WDR62: variants seen among roughly 807,000 people sequenced by gnomAD.
WDR62 encodes WD repeat-containing protein 62.
A neutral mutation model predicts 160.6 loss-of-function variants in WDR62; 112 were observed. That is an observed-to-expected ratio of 0.70 (90% CI 0.60 to 0.82). The LOEUF (loss-of-function observed/expected upper bound fraction) is 0.82. Among genes scored for constraint, WDR62 ranks in the 40% least tolerant of loss-of-function variants. The pLI, the probability that WDR62 is intolerant of heterozygous loss-of-function variation, is 0.00. For synonymous variants in WDR62, 792 were observed against 815.1 expected (o/e 0.97, Z 0.48); for missense variants, 1,819 against 1,983.8 (o/e 0.92, Z 1.58).
At chr19:36,073,086 G>A (rs1243022880) in intron 8 of WDR62, among the ~76,000 whole-genome samples, 20 of 152,058 alleles carry the variant, frequency 1.3e-4, no homozygotes, top group Admixed American at 1.3e-3. Flanking sequence ...TGAAATGATG[G>A]GCGATAAATG....
chr19:36,104,073 A>G (rs1973581883), intron 30 of WDR62, 92 bp downstream of exon 30: 1 of 1,488,962 alleles, frequency 6.7e-7, no homozygotes, highest in Non-Finnish European at 9.2e-7. Context: ...ACCTGGCCAC[A>G]GGGACTGTGC....
rs1299071832 is a variant in WDR62, at chr19:36,055,208, C to G, written c.177+60C>G. The stretch of plus-strand genomic sequence containing the variant: ...AGGCTTCCTAGGTTTCCCCTAGTCC[C>G]GTCCTGAGAACTGTGGCCCCGACAT... On this transcript the variant is annotated intron_variant, in intron 1 of 31. Transcript: ENST00000401500. 6 of 1,543,042 alleles carry G rather than the reference C, an allele frequency of 3.9e-6. No homozygotes were observed. In the East Asian group the frequency reaches 1.5e-4, roughly 38 times the overall value.
chr19:36,101,600 G>T, intron 24 of WDR62, 64 bp from the exon 25 acceptor site: 1 of 1,266,532 alleles, frequency 7.9e-7, no homozygotes, highest in Non-Finnish European at 1.1e-6. Flanking sequence ...GGGAAGGGTA[G>T]CCCTGGCCCT....
At chr19:36,083,371 C>T in intron 11 of WDR62, 130 bp downstream of exon 11, 2 of 948,904 alleles carry the variant, frequency 2.1e-6, no homozygotes, top group South Asian at 1.4e-5. Context: ...GAATAGTAAT[C>T]CCATGAACAG....
downstream of WDR62, among the ~76,000 whole-genome samples, chr19:36,109,804 A>G (rs1973775438): frequency 6.6e-6 from 1 of 151,992 alleles, no homozygotes; most frequent in South Asian, 2.1e-4. Flanking sequence ...CTGTAATCCC[A>G]GCACTTTGGG....
Position 36,081,766 on chromosome 19 carries a change from C to T in WDR62, c.1371+196C>T, listed in dbSNP as rs773531759. ...CTCCTGCCCCCTCTCTGAGGTGGCA[C>T]GCTCTATCCTCTCTGATTCTTTGCC... On this transcript the variant is annotated intron_variant, in intron 10 of 31. Coordinates refer to ENST00000401500, the MANE Select transcript of WDR62 (RefSeq NM_001083961.2). The T allele has an allele frequency of 8.1e-5, 59 of 729,362 alleles. 2 individuals are homozygous for T. Among genetic ancestry groups the T allele is most frequent in the South Asian group, 5.5e-4 (37 of 67,586 alleles). 45.2% of individuals were successfully genotyped at this position (729,362 alleles called of 1,614,324 possible).
chr19:36,094,515 C>T (rs1401143543), intron 20 of WDR62, among the ~76,000 whole-genome samples: 3 of 151,762 alleles, frequency 2.0e-5, no homozygotes, highest in African/African-American at 7.3e-5. Flanking sequence ...GATCGCGCCA[C>T]TGCACTCCAG....
At chr19:36,058,960 A>C (rs201694503) in intron 2 of WDR62, 89 bp downstream of exon 2, 64 of 1,093,460 alleles carry the variant, frequency 5.9e-5, no homozygotes, top group Non-Finnish European at 8.3e-5. Context: ...TCTGAGCCTC[A>C]TATTTTTCAC....
At chr19:36,077,418 C>CT (rs1380864995) in intron 9 of WDR62, among the ~76,000 whole-genome samples, 1 of 150,870 alleles carries the variant, frequency 6.6e-6, no homozygotes, top group Non-Finnish European at 1.5e-5. Context: ...GCAGCTGAGA[C>CT]TACAGGCACA....
intron 3 of WDR62, chr19:36,062,664 A>G (rs902379592): frequency 6.6e-6 from 1 of 150,434 alleles, no homozygotes; most frequent in Non-Finnish European, 1.5e-5. Flanking sequence ...AAAAAAAAAA[A>G]AAAAAAAAAA....
In WDR62 at chr19:36,100,830, T is replaced by C. The variant is rs149838357; in HGVS notation, c.2822T>C (p.Ile941Thr). ...GAATCATCTGAGGCCAGTGAGCTCA[T>C]CCTCTACTCTCTGGAGGCAGAAGTG... ...QKESSEASEL[I>T]LYSLEAEVTV... Residue 941 changes from isoleucine to threonine, a missense_variant, in exon 23 of 32, where the codon ATC becomes ACC. Physicochemically the swap from Ile to Thr is moderately conservative, Grantham distance 89. Transcript: ENST00000401500. 7 of 1,614,072 alleles carry C rather than the reference T, an allele frequency of 4.3e-6. No homozygotes were observed. Among genetic ancestry groups the C allele is most frequent in the African/African-American group, 2.7e-5 (2 of 74,928 alleles).
chr19:36,072,033 C>A (rs79048689), intron 8 of WDR62, among the ~76,000 whole-genome samples: 2,158 of 152,308 alleles, frequency 0.014, 117 homozygotes, highest in South Asian at 0.12. Context: ...ATGGCTGACC[C>A]CTACTAAGTG....
At chr19:36,109,108 C>T (rs1192313416), downstream of WDR62, among the ~76,000 whole-genome samples, 1 of 152,120 alleles carries the variant, frequency 6.6e-6, no homozygotes, top group Non-Finnish European at 1.5e-5. Flanking sequence ...CCCTTGCTTC[C>T]CCAAATGAAT....
Position 36,103,804 on chromosome 19 carries a change from T to C in WDR62, c.3976T>C (p.Phe1326Leu). ...QPGVTVPAVS[F>L]PAPSPVEESA... ...TGGCGTCACCGTCCCTGCAGTGAGC[T>C]TCCCAGCCCCTAGCCCTGTGGAAGA... The change falls in exon 30 of 32, where the codon TTC becomes CTC. Residue 1326 changes from phenylalanine (F) to leucine (L), a missense_variant. Transcript: ENST00000401500. The C allele has an allele frequency of 6.2e-7, 1 of 1,608,668 alleles. No homozygotes were observed. The highest frequency in any genetic ancestry group is 8.5e-7 in the Non-Finnish European group (1 of 1,179,318).
intron 3 of WDR62, among the ~76,000 whole-genome samples, chr19:36,065,575 T>G (rs1449136769): frequency 6.6e-6 from 1 of 152,172 alleles, no homozygotes; most frequent in Admixed American, 6.5e-5. Context: ...GCCAGGATCC[T>G]CCCATCAGCA....
chr19:36,105,607 G>A (rs1306994743), downstream of WDR62, among the ~76,000 whole-genome samples: 2 of 152,136 alleles, frequency 1.3e-5, no homozygotes, highest in East Asian at 1.9e-4. Flanking sequence ...GGCTACTCAG[G>A]AGGCTGAGGT....
rs1213100576 is a variant in WDR62, at chr19:36,097,082, A to G, written c.2520+3A>G. On this transcript the variant is annotated splice_donor_region_variant and intron_variant, in intron 21 of 31. Transcript: ENST00000401500. ...TGCCACTGTGGGCAAAGCGGCTGGT[A>G]AGTCTTCAGGGAGAGGGTTGCTCAG... 1.2e-6 allele frequency: 2 copies of G among 1,613,792 alleles called. No individual in the cohort carries two copies. Among genetic ancestry groups the G allele is most frequent in the African/African-American group, 1.3e-5 (1 of 75,040 alleles).
At chr19:36,070,548 A>C (rs1159371349) in intron 7 of WDR62, 1 of 152,268 alleles carries the variant, frequency 6.6e-6, no homozygotes, top group Non-Finnish European at 1.5e-5. Flanking sequence ...CCATTTGGCT[A>C]TCCGCCCGAG....
chr19:36,080,755 A>G (rs1215150699), intron 9 of WDR62, among the ~76,000 whole-genome samples: 2 of 151,950 alleles, frequency 1.3e-5, no homozygotes, highest in African/African-American at 4.8e-5. Context: ...GCGCCCGGCC[A>G]ATATGTTTTT....
Sources: gnomAD v4.1 joint callset for allele counts (sites outside exome capture counted in the v4.1 genomes callset) on GRCh38, gnomAD v4.1.1 for gene constraint, MANE v1.5 for transcripts, NCBI Gene and HGNC (gene_info 2026-07-23, HGNC 2026-07-21) for gene names.